PDE3A: variants seen among roughly 807,000 people sequenced by gnomAD.
PDE3A encodes the protein cGMP-inhibited 3',5'-cyclic phosphodiesterase 3A.
PDE3A carries 43 observed loss-of-function variants against 98.3 expected under a neutral mutation model. That is an observed-to-expected ratio of 0.44 (90% confidence interval 0.34 to 0.56). The LOEUF is 0.56. PDE3A is among the 20% of genes least tolerant of loss of function. The probability of loss-of-function intolerance (pLI) is 0.01; values close to 1 mark genes in which losing one functional copy is unlikely to be tolerated. For missense variants in PDE3A, 1,427 were observed against 1,440.7 expected, an observed-to-expected ratio of 0.99 and a Z score of 0.15; for synonymous variants, 663 against 567.9, an observed-to-expected ratio of 1.17 and a Z score of -2.38.
At chr12:20,469,997 C>T (rs1945408749) in intron 1 of PDE3A, among the ~76,000 whole-genome samples, 1 of 152,066 alleles carries the variant, frequency 6.6e-6, no homozygotes, top group African/African-American at 2.4e-5. Flanking sequence ...TGGGAAATTG[C>T]ATCTCCTTGT....
chr12:20,481,857 C>T (rs1383572065), intron 1 of PDE3A, among the ~76,000 whole-genome samples: 1 of 148,242 alleles, frequency 6.7e-6, no homozygotes, highest in East Asian at 2.0e-4. Context: ...CTCCGCCTCC[C>T]GTGTTCACGC....
chr12:20,616,421 A>AC, intron 4 of PDE3A, 37 bp downstream of exon 4: 1 of 1,583,382 alleles, frequency 6.3e-7, no homozygotes, highest in African/African-American at 1.4e-5. Context: ...TGTCTCTTAG[A>AC]GAAGTTACTT....
chr12:20,548,389 G>A (rs796232392), intron 1 of PDE3A, among the ~76,000 whole-genome samples: 6 of 152,180 alleles, frequency 3.9e-5, no homozygotes, highest in African/African-American at 1.4e-4. Flanking sequence ...ATTACCCAGA[G>A]GAGTAATCAT....
At chr12:20,422,373 C>G (rs1378791372) in intron 1 of PDE3A, among the ~76,000 whole-genome samples, 1 of 151,956 alleles carries the variant, frequency 6.6e-6, no homozygotes, top group Non-Finnish European at 1.5e-5. Context: ...GTGGCACTAA[C>G]TGTCGAGTCT....
At position 20,370,010 on chromosome 12, in the gene PDE3A, C is replaced by T; in HGVS notation, c.726C>T (p.Tyr242=). ...TCGCCTGGAGACCTTACCTGGCGTACCTGGCCGGCGTGCTGGGGATCCTCT... is the reference window on the plus strand; with the variant it reads ...TCGCCTGGAGACCTTACCTGGCGTATCTGGCCGGCGTGCTGGGGATCCTCT... ...FKVAWRPYLA[Y]LAGVLGILLA... Residue 242 remains tyrosine (Y), a synonymous_variant, in exon 1 of 16, where the codon TAC becomes TAT. Coordinates refer to ENST00000359062, the MANE Select transcript of PDE3A (RefSeq NM_000921.5). 6.2e-7 allele frequency: 1 copy of T among 1,613,008 alleles called. No individual in the cohort carries two copies. Among genetic ancestry groups the T allele is most frequent in the Non-Finnish European group, 8.5e-7 (1 of 1,179,960 alleles).
chr12:20,672,890 A>T, intron 15 of PDE3A, among the ~76,000 whole-genome samples: 1 of 142,150 alleles, frequency 7.0e-6, no homozygotes, highest in Non-Finnish European at 1.5e-5. Context: ...AGCAAAAGAA[A>T]CTACCATCAG....
At position 20,646,761 on chromosome 12, in the gene PDE3A, T is replaced by C; in HGVS notation, c.2376T>C (p.Ser792=). 1 of 1,602,774 alleles carries C rather than the reference T, an allele frequency of 6.2e-7. No homozygotes were observed. Among genetic ancestry groups the C allele is most frequent in the Non-Finnish European group, 8.5e-7 (1 of 1,169,712 alleles). The part of the protein sequence containing the change: ...HGSTSDSDSD[S]GFTHGHMGYV... ...ATTTTCTCTTCTCAGATTCTGACAG[T>C]GGATTTACACATGGACATATGGGAT... The change falls in exon 12 of 16, where the codon AGT becomes AGC. Residue 792 remains serine (S), a synonymous_variant. Transcript: ENST00000359062.
At chr12:20,582,825 AG>A (rs1943102702) in intron 2 of PDE3A, among the ~76,000 whole-genome samples, 2 of 152,300 alleles carry the variant, frequency 1.3e-5, no homozygotes, top group South Asian at 4.1e-4. Flanking sequence ...TGGAGTATAG[AG>A]GTGAAAGAAT....
At chr12:20,501,773 A>T (rs992271652) in intron 1 of PDE3A, among the ~76,000 whole-genome samples, 4 of 152,162 alleles carry the variant, frequency 2.6e-5, no homozygotes, top group African/African-American at 9.6e-5. Context: ...ACAATCAAAA[A>T]AGGATTCTAG....
chr12:20,625,441 C>A (rs1944239451), intron 5 of PDE3A, among the ~76,000 whole-genome samples: 1 of 152,142 alleles, frequency 6.6e-6, no homozygotes, highest in Non-Finnish European at 1.5e-5. Flanking sequence ...AATCTAGACT[C>A]TGTTTTTCCT....
intron 1 of PDE3A, among the ~76,000 whole-genome samples, chr12:20,388,404 C>A (rs1017311046): frequency 6.6e-6 from 1 of 151,980 alleles, no homozygotes; most frequent in African/African-American, 2.4e-5. Context: ...TATATACATC[C>A]ACGTGTATGC....
intron 1 of PDE3A, among the ~76,000 whole-genome samples, chr12:20,389,210 TTC>T (rs561540198): frequency 1.3e-5 from 2 of 151,736 alleles, no homozygotes; most frequent in Non-Finnish European, 2.9e-5. Flanking sequence ...GCCATTTCCT[TTC>T]TCTCTCTCTC....
intron 1 of PDE3A, among the ~76,000 whole-genome samples, chr12:20,485,928 C>T (rs905326621): frequency 1.3e-5 from 2 of 152,244 alleles, no homozygotes; most frequent in African/African-American, 4.8e-5. Context: ...TGTGGCCTGA[C>T]CAACAAGACT....
At chr12:20,670,709 G>A (rs11519232) in intron 15 of PDE3A, among the ~76,000 whole-genome samples, 72,068 of 138,800 alleles carry the variant, frequency 0.52, 19,436 homozygotes, top group East Asian at 0.7. Flanking sequence ...GTGTGTAGAG[G>A]GAAATTTATA....
intron 8 of PDE3A, among the ~76,000 whole-genome samples, chr12:20,635,946 T>G (rs1442825469): frequency 6.6e-6 from 1 of 152,120 alleles, no homozygotes. Flanking sequence ...ATACAATAAT[T>G]GCAGATATTT....
chr12:20,670,209 T>TA (rs1945434663), intron 15 of PDE3A, among the ~76,000 whole-genome samples: 2 of 149,172 alleles, frequency 1.3e-5, no homozygotes, highest in Admixed American at 1.3e-4. Flanking sequence ...AAGTCCTGAG[T>TA]GACCTACAAA....
At chr12:20,427,761 C>A (rs1004033087) in intron 1 of PDE3A, among the ~76,000 whole-genome samples, 4 of 151,910 alleles carry the variant, frequency 2.6e-5, no homozygotes, top group African/African-American at 9.7e-5. Flanking sequence ...AGAAGATGAT[C>A]TAAATCCAGA....
chr12:20,621,958 T>C lies in PDE3A; in HGVS notation c.1540+547T>C, dbSNP rs112165496. 1.2e-4 allele frequency among the ~76,000 whole-genome samples: 18 copies of C among 152,256 alleles called. 1 individual carries two copies. Among genetic ancestry groups the C allele is most frequent in the African/African-American group, 4.3e-4 (18 of 41,582 alleles). On this transcript the variant is annotated intron_variant, in intron 5 of 15. Coordinates refer to ENST00000359062, the MANE Select transcript of PDE3A (RefSeq NM_000921.5). ...GTTTTTGTCAGATTCCGTCTCTGAA[T>C]TGCCTTTCCCCTAGAAGCCCAATTA...
rs1480926863 is a variant in PDE3A at position 20,371,371 on chromosome 12, G to C, written c.960+1127G>C. ...TGACACTTGATGGGGAGGAGGAGCT[G>C]GTTGGATACAGCAAGTGGAAATTTA... is the stretch of plus-strand genomic sequence containing the variant. On this transcript the variant is annotated intron_variant, in intron 1 of 15. Coordinates refer to ENST00000359062, the MANE Select transcript of PDE3A (RefSeq NM_000921.5). The C allele has an allele frequency of 4.1e-6, 4 of 984,950 alleles. No homozygotes were observed. In the African/African-American group the frequency reaches 5.2e-5, roughly 13 times the overall value. The allele number at this position is 984,950 out of a possible 1,614,324, so 61.0% of individuals were successfully genotyped here.
Sources: gnomAD v4.1 joint callset for allele counts (sites outside exome capture counted in the v4.1 genomes callset) on GRCh38, gnomAD v4.1.1 for gene constraint, MANE v1.5 for transcripts, NCBI Gene and HGNC (gene_info 2026-07-23, HGNC 2026-07-21) for gene names.